Variants in OTOG observed in about 807,000 individuals in gnomAD.
OTOG encodes the protein otogelin.
In OTOG, 296 loss-of-function variants were observed where a neutral mutation model predicts 313.8. That is an observed-to-expected ratio of 0.94 (90% confidence interval 0.86 to 1.04). The LOEUF (loss-of-function observed/expected upper bound fraction) is 1.04. Ranked by LOEUF, OTOG falls within the 50% of genes least tolerant of loss-of-function variation. The pLI, the probability that OTOG is intolerant of heterozygous loss-of-function variation, is 0.00. For missense variants in OTOG, 3,948 were observed against 3,840.1 expected, an observed-to-expected ratio of 1.03 and a Z score of -0.74; for synonymous variants, 1,533 against 1,554.9, an observed-to-expected ratio of 0.99 and a Z score of 0.33.
In OTOG at chr11:17,612,303, C is replaced by T. The variant is rs759778724; in HGVS notation, c.6265C>T (p.Arg2089Cys). Residue 2089 changes from arginine to cysteine, a missense_variant, in exon 37 of 56, where the codon CGC (arginine) becomes TGC (cysteine). Arg to Cys is a radical substitution (Grantham distance 180, BLOSUM62 -3). Coordinates refer to ENST00000399397, the MANE Select transcript of OTOG (RefSeq NM_001292063.2). ...CCTCGCCGTGCGGGTGGGTGGGGAC[C>T]GCTGCTGCCCACTCTGGGAGTGTGC... ...LGLAVRVGGD[R>C]CCPLWECACR... 1.9e-5 allele frequency: 30 copies of T among 1,538,706 alleles called. No homozygotes were observed. The South Asian group carries it at 3.3e-4, about 17-fold the overall frequency.
Position 17,612,605 on chromosome 11 carries a change from C to T in OTOG, c.6293-15C>T, listed in dbSNP as rs1853589074. ...GGCATCCACCTATTCTTCTTGTGCC[C>T]TGCCCCTCCCCCAGGCCGGTGCTCA... On this transcript the variant is annotated splice_polypyrimidine_tract_variant and intron_variant, in intron 37 of 55. Transcript: ENST00000399397. The T allele has an allele frequency of 1.3e-6, 2 of 1,547,570 alleles. No individual in the cohort carries two copies. The highest frequency in any genetic ancestry group is 1.4e-5 in the African/African-American group (1 of 72,986).
intron 23 of OTOG, among the ~76,000 whole-genome samples, chr11:17,581,955 T>C (rs369983650): frequency 2.0e-5 from 3 of 152,236 alleles, no homozygotes; most frequent in African/African-American, 7.2e-5. Context: ...GCCTGGCTTC[T>C]CTTCCTTAAC....
intron 33 of OTOG, 86 bp downstream of exon 33, chr11:17,606,221 A>G (rs2134082728): frequency 3.5e-6 from 5 of 1,415,354 alleles, no homozygotes; most frequent in East Asian, 5.0e-5. Flanking sequence ...CACCCTTCCA[A>G]TTACCCCTAA....
Position 17,577,819 on chromosome 11 carries a change from G to A in OTOG, c.2606-554G>A, listed in dbSNP as rs145376459. Among the ~76,000 whole-genome samples, 47 of 152,268 alleles carry A rather than the reference G, an allele frequency of 3.1e-4. 1 individual carries two copies. In the East Asian group the frequency reaches 7.2e-3, roughly 23 times the overall value. On this transcript the variant is annotated intron_variant, in intron 22 of 55. Transcript: ENST00000399397. ...AATTTTCCTAAAAAAGATCACTCAC[G>A]CAGTGTGAATGTGCGGGGCAGACCT...
At chr11:17,601,579 T>C (rs1340837147) in intron 31 of OTOG, among the ~76,000 whole-genome samples, 1 of 134,584 alleles carries the variant, frequency 7.4e-6, no homozygotes, top group Non-Finnish European at 1.5e-5. Context: ...GGAGAGCCAC[T>C]GGTGCGTCCC....
chr11:17,642,234 T>C lies in OTOG; in HGVS notation c.8403T>C (p.Thr2801=). The C allele has an allele frequency of 6.5e-7, 1 of 1,549,554 alleles. No homozygotes were observed. The highest frequency in any genetic ancestry group is 8.7e-7 in the Non-Finnish European group (1 of 1,146,390). ...SPISCPPLNE[T]ECAKVGGSVV... ...TAAGCTGCCCACCGCTCAATGAGAC[T>C]GAGTGTGCCAAGGTCAGTGCCTCCT... The change falls in exon 53 of 56, where the codon ACT becomes ACC. Residue 2801 remains threonine, a synonymous_variant. Coordinates refer to ENST00000399397, the MANE Select transcript of OTOG (RefSeq NM_001292063.2).
At chr11:17,558,443 C>T (rs1281665244) in intron 9 of OTOG, 95 bp from the exon 10 acceptor site, 1 of 1,518,712 alleles carries the variant, frequency 6.6e-7, no homozygotes, top group East Asian at 2.5e-5. Context: ...TCTCTGCCTT[C>T]CTCTCCCTCT....
At chr11:17,570,937 C>A (rs1473924009) in intron 17 of OTOG, among the ~76,000 whole-genome samples, 1 of 152,138 alleles carries the variant, frequency 6.6e-6, no homozygotes, top group African/African-American at 2.4e-5. Context: ...GTTTGCACGC[C>A]GTGAGCCTCC....
chr11:17,642,253 G>C lies in OTOG; in HGVS notation c.8415+7G>C, dbSNP rs1324981362. 6.5e-7 allele frequency: 1 copy of C among 1,546,212 alleles called. No homozygotes were observed. The highest frequency in any genetic ancestry group is 1.4e-5 in the African/African-American group (1 of 72,868). On this transcript the variant is annotated splice_region_variant and intron_variant, in intron 53 of 55. Transcript: ENST00000399397. ...TGAGACTGAGTGTGCCAAGGTCAGT[G>C]CCTCCTTCTCCACTGAGGCTGTAGG...
At position 17,578,526 on chromosome 11, in the gene OTOG, G is replaced by A; in HGVS notation, c.2759G>A (p.Gly920Asp). Reference sequence around the variant, plus strand: ...CTCTCGGGCTGCGCCTGTCCCCAGGGGTAAGTACCCATGGTGTCGTGGGCC... The same window carrying A: ...CTCTCGGGCTGCGCCTGTCCCCAGGAGTAAGTACCCATGGTGTCGTGGGCC... ...PCLSGCACPQ[G>D]LLRHGDACFL... The change falls in exon 23 of 56, where the codon GGT becomes GAT. Residue 920 changes from glycine to aspartate, a missense_variant and splice_region_variant. Physicochemically the swap from Gly to Asp is moderately conservative, Grantham distance 94. Transcript: ENST00000399397. The A allele has an allele frequency of 6.5e-7, 1 of 1,530,620 alleles. No individual in the cohort carries two copies. The highest frequency in any genetic ancestry group is 2.5e-5 in the East Asian group (1 of 40,774). The allele number at this position is 1,530,620 out of a possible 1,614,324, so 94.8% of individuals were successfully genotyped here.
Position 17,635,668 on chromosome 11 carries a change from G to A in OTOG, c.7752G>A (p.Val2584=). ...PECQEGEALT[V]HRNTTELCCP... ...GTCAAGAAGGGGAGGCGCTCACTGTGCACAGGAATACCACGGAACTCTGCT... is the reference window on the plus strand; with the variant it reads ...GTCAAGAAGGGGAGGCGCTCACTGTACACAGGAATACCACGGAACTCTGCT... The change falls in exon 47 of 56, where the codon GTG becomes GTA. Residue 2584 remains valine, a synonymous_variant. Coordinates refer to ENST00000399397, the MANE Select transcript of OTOG (RefSeq NM_001292063.2). 6.4e-7 allele frequency: 1 copy of A among 1,550,588 alleles called. No homozygotes were observed. The highest frequency in any genetic ancestry group is 8.7e-7 in the Non-Finnish European group (1 of 1,146,972).
intron 32 of OTOG, among the ~76,000 whole-genome samples, chr11:17,605,634 G>T (rs910991821): frequency 6.6e-6 from 1 of 152,158 alleles, no homozygotes; most frequent in Non-Finnish European, 1.5e-5. Context: ...CTTAGCAGCT[G>T]GGGGGTCTCT....
chr11:17,618,915 T>C (rs974031165), intron 39 of OTOG, among the ~76,000 whole-genome samples: 3 of 152,190 alleles, frequency 2.0e-5, no homozygotes, highest in Non-Finnish European at 2.9e-5. Flanking sequence ...AATATGTATA[T>C]CTAAGATGTA....
chr11:17,569,639 A>G (rs1852363492), intron 16 of OTOG, among the ~76,000 whole-genome samples: 1 of 152,214 alleles, frequency 6.6e-6, no homozygotes, highest in African/African-American at 2.4e-5. Flanking sequence ...ATGTAACAAA[A>G]ATGGCAAAAC....
intron 30 of OTOG, among the ~76,000 whole-genome samples, chr11:17,597,222 G>A (rs547171453): frequency 1.3e-5 from 2 of 152,216 alleles, no homozygotes; most frequent in Non-Finnish European, 2.9e-5. Context: ...AGCCTAGAGA[G>A]AGAGATCAAG....
In OTOG at chr11:17,610,070, G is replaced by A; in HGVS notation, c.4770G>A (p.Arg1590=). 1.3e-6 allele frequency: 2 copies of A among 1,550,478 alleles called. No homozygotes were observed. Among genetic ancestry groups the A allele is most frequent in the Non-Finnish European group, 1.7e-6 (2 of 1,146,908 alleles). The part of the protein sequence containing the change: ...GMVSGAMETT[R]VTVIFAGSPN... ...TGTCAGGTGCCATGGAGACAACAAGGGTGACTGTGATCTTTGCAGGAAGCC... is the reference window on the plus strand; with the variant it reads ...TGTCAGGTGCCATGGAGACAACAAGAGTGACTGTGATCTTTGCAGGAAGCC... Residue 1590 remains arginine (R), a synonymous_variant, in exon 36 of 56, where the codon AGG becomes AGA. Transcript: ENST00000399397.
intron 15 of OTOG, among the ~76,000 whole-genome samples, chr11:17,566,255 T>G (rs983216113): frequency 9.2e-5 from 14 of 152,240 alleles, no homozygotes; most frequent in Non-Finnish European, 1.6e-4. Context: ...GCTAGATTAC[T>G]TATAATACCT....
intron 48 of OTOG, 152 bp downstream of exon 48, chr11:17,638,701 G>T: frequency 6.6e-7 from 1 of 1,524,934 alleles, no homozygotes; most frequent in Non-Finnish European, 8.9e-7. Flanking sequence ...CCTTCCTTCT[G>T]CATCCGCACT....
intron 23 of OTOG, among the ~76,000 whole-genome samples, chr11:17,586,196 C>T (rs1192055292): frequency 1.3e-5 from 2 of 152,198 alleles, no homozygotes; most frequent in Non-Finnish European, 2.9e-5. Context: ...CTGGCATCCA[C>T]CTGGTCAGTA....
Sources: gnomAD v4.1 joint callset for allele counts (sites outside exome capture counted in the v4.1 genomes callset) on GRCh38, gnomAD v4.1.1 for gene constraint, MANE v1.5 for transcripts, NCBI Gene and HGNC (gene_info 2026-07-23, HGNC 2026-07-21) for gene names.